Variants in TDRD1 observed in about 807,000 individuals in gnomAD.
The protein encoded by TDRD1 is tudor domain containing 1, also known as tudor domain-containing protein 1.
TDRD1 carries 37 observed loss-of-function variants against 140.6 expected under a neutral mutation model. The ratio of observed to expected loss-of-function variants is 0.26; its 90% CI spans 0.20 to 0.35. The LOEUF (loss-of-function observed/expected upper bound fraction) is 0.35. Among genes scored for constraint, TDRD1 ranks in the 10% least tolerant of loss-of-function variants. The pLI, the probability that TDRD1 is intolerant of heterozygous loss-of-function variation, is 1.00. For missense variants in TDRD1, 1,243 were observed against 1,393.0 expected, an observed-to-expected ratio of 0.89 and a Z score of 1.71; for synonymous variants, 506 against 475.7, an observed-to-expected ratio of 1.06 and a Z score of -0.83.
chr10:114,197,482 T>C (rs554290185), intron 3 of TDRD1, among the ~76,000 whole-genome samples: 1 of 152,306 alleles, frequency 6.6e-6, no homozygotes, highest in African/African-American at 2.4e-5. Flanking sequence ...TAATTGCTTG[T>C]TAACATATTG....
intron 18 of TDRD1, among the ~76,000 whole-genome samples, chr10:114,219,246 T>A (rs1347597372): frequency 6.6e-6 from 1 of 152,254 alleles, no homozygotes; most frequent in Non-Finnish European, 1.5e-5. Context: ...TTGCTGTCTA[T>A]GAGACGTTTA....
intron 13 of TDRD1, 41 bp from the exon 14 acceptor site, chr10:114,211,825 A>T (rs759704218): frequency 6.8e-7 from 1 of 1,476,828 alleles, no homozygotes; most frequent in African/African-American, 1.5e-5. Context: ...TTACATCTAC[A>T]GTGGAAAAAT....
intron 10 of TDRD1, among the ~76,000 whole-genome samples, chr10:114,205,646 A>G (rs576339126): frequency 1.3e-5 from 2 of 152,142 alleles, no homozygotes; most frequent in South Asian, 4.1e-4. Flanking sequence ...GTTCTTCAGG[A>G]TTTCAAAGTG....
intron 17 of TDRD1, 47 bp from the exon 18 acceptor site, chr10:114,218,367 C>T (rs748616872): frequency 3.1e-6 from 4 of 1,302,088 alleles, no homozygotes; most frequent in South Asian, 2.4e-5. Context: ...TTTCAAGTGT[C>T]GATAGAAAGG....
At chr10:114,231,053 T>G (rs2036726022) in intron 25 of TDRD1, among the ~76,000 whole-genome samples, 1 of 152,132 alleles carries the variant, frequency 6.6e-6, no homozygotes, top group South Asian at 2.1e-4. Context: ...GGCAACAGAG[T>G]GAGACCCTGT....
chr10:114,213,551 G>T (rs780607034), exon 15 of TDRD1: 1 of 1,613,826 alleles, frequency 6.2e-7, no homozygotes, highest in Middle Eastern at 1.7e-4. Flanking sequence ...AACAGAGTAT[G>T]GTGACAGATA....
chr10:114,228,478 T>G, intron 25 of TDRD1: 1 of 1,037,258 alleles, frequency 9.6e-7, no homozygotes, highest in Non-Finnish European at 1.2e-6. Flanking sequence ...GATCTGAAAT[T>G]AACTCAGAGC....
chr10:114,213,382 C>T lies in TDRD1; in HGVS notation c.1868C>T (p.Ala623Val), dbSNP rs774612546. Residue 623 changes from alanine (A) to valine (V), a missense_variant, in exon 15 of 26, where the codon GCT becomes GTT. By Grantham distance (64) the Ala-to-Val change is moderately conservative. Coordinates refer to ENST00000251864, the Ensembl canonical transcript of TDRD1. ...TCATTAGGAATTTGGACTCCAGAAG[C>T]TATTTGTCTCATGAAAAAACTTGTA... is the stretch of plus-strand genomic sequence containing the variant. The T allele has an allele frequency of 2.2e-5, 35 of 1,613,686 alleles. No individual in the cohort carries two copies. In the Admixed American group the frequency reaches 5.8e-4, roughly 27 times the overall value.
At chr10:114,178,351 A>G (rs1411905515), upstream of TDRD1, among the ~76,000 whole-genome samples, 2 of 152,166 alleles carry the variant, frequency 1.3e-5, no homozygotes, top group Admixed American at 1.3e-4. Flanking sequence ...GCACACTTTA[A>G]ATATTAGGTG....
At chr10:114,230,904 A>G (rs113784671) in intron 25 of TDRD1, among the ~76,000 whole-genome samples, 104 of 151,792 alleles carry the variant, frequency 6.9e-4, no homozygotes, top group Non-Finnish European at 1.3e-3. Context: ...GTCTCTACCA[A>G]AAAAAATATA....
intron 2 of TDRD1, among the ~76,000 whole-genome samples, chr10:114,189,701 C>T (rs978551570): frequency 1.3e-5 from 2 of 152,216 alleles, no homozygotes; most frequent in African/African-American, 2.4e-5. Flanking sequence ...AAACGATCCT[C>T]CTGCCTCAGC....
exon 5 of TDRD1, chr10:114,201,499 A>C: frequency 6.2e-7 from 1 of 1,613,460 alleles, no homozygotes; most frequent in Non-Finnish European, 8.5e-7. Flanking sequence ...CATCGTGTGC[A>C]GGCCTGTTCA....
At chr10:114,178,311 T>C (rs540686612), upstream of TDRD1, among the ~76,000 whole-genome samples, 1 of 152,198 alleles carries the variant, frequency 6.6e-6, no homozygotes, top group Non-Finnish European at 1.5e-5. Context: ...CCAGAGAATT[T>C]CTGTTAAACT....
chr10:114,221,212 T>C, intron 19 of TDRD1, 145 bp from the exon 20 acceptor site: 1 of 915,854 alleles, frequency 1.1e-6, no homozygotes, highest in Non-Finnish European at 1.6e-6. Flanking sequence ...GATTGTTTTG[T>C]GAAAAAATAC....
chr10:114,216,391 G>T (rs1179857290), intron 16 of TDRD1, among the ~76,000 whole-genome samples: 1 of 152,016 alleles, frequency 6.6e-6, no homozygotes, highest in Admixed American at 6.6e-5. Flanking sequence ...CAAACATTGT[G>T]TTTTTTCTTT....
Position 114,201,407 on chromosome 10 carries a change from T to C in TDRD1, c.530-3T>C. The C allele has an allele frequency of 2.5e-6, 4 of 1,613,490 alleles. No individual in the cohort carries two copies. Among genetic ancestry groups the C allele is most frequent in the Non-Finnish European group, 2.5e-6 (3 of 1,179,484 alleles). On this transcript the variant is annotated splice_polypyrimidine_tract_variant and splice_region_variant and intron_variant, in intron 4 of 25. Coordinates refer to ENST00000251864, the Ensembl canonical transcript of TDRD1. The stretch of plus-strand genomic sequence containing the variant: ...GAACTATTTTGTGGGTGGTGTTTTC[T>C]AGGATCGCTGAGGTGCTCTCAGTGC...
intron 18 of TDRD1, 105 bp from the exon 19 acceptor site, chr10:114,220,463 T>C: frequency 1.4e-6 from 1 of 727,394 alleles, no homozygotes. Context: ...TACTGAGAAT[T>C]GCTGACCTGA....
At chr10:114,217,476 T>C in intron 16 of TDRD1, 69 bp from the exon 17 acceptor site, 1 of 862,950 alleles carries the variant, frequency 1.2e-6, no homozygotes, top group Non-Finnish European at 1.8e-6. Context: ...TTTTCTGACT[T>C]TAAAGGAAAA....
intron 3 of TDRD1, among the ~76,000 whole-genome samples, chr10:114,194,317 C>T (rs1199013745): frequency 2.0e-5 from 3 of 152,172 alleles, no homozygotes; most frequent in Admixed American, 6.5e-5. Context: ...TGAAAACCAT[C>T]TGGACCTGGA....
Sources: gnomAD v4.1 joint callset for allele counts (sites outside exome capture counted in the v4.1 genomes callset) on GRCh38, gnomAD v4.1.1 for gene constraint, MANE v1.5 for transcripts, NCBI Gene and HGNC (gene_info 2026-07-23, HGNC 2026-07-21) for gene names.